The following ATP2B4 variants were observed in gnomAD, a reference collection of about 807,000 sequenced individuals.
The protein encoded by ATP2B4 is ATPase plasma membrane Ca2+ transporting 4, also known as plasma membrane calcium-transporting ATPase 4.
ATP2B4 carries 39 observed loss-of-function variants against 110.3 expected under a neutral mutation model. That is an observed-to-expected ratio of 0.35 (90% confidence interval 0.27 to 0.46). The LOEUF is 0.46. Among genes scored for constraint, ATP2B4 ranks in the 20% least tolerant of loss-of-function variants. The probability of loss-of-function intolerance (pLI) is 1.00; values close to 1 mark genes in which losing one functional copy is unlikely to be tolerated. For missense variants in ATP2B4, 1,135 were observed against 1,530.9 expected (o/e 0.74, Z 4.32); for synonymous variants, 538 against 571.7 (o/e 0.94, Z 0.84).
intron 19 of ATP2B4, among the ~76,000 whole-genome samples, chr1:203,726,199 A>C (rs1244785764): frequency 1.3e-5 from 2 of 151,790 alleles, no homozygotes; most frequent in Admixed American, 1.3e-4. Flanking sequence ...ACGGCACTGC[A>C]CTCCAGCCTG....
chr1:203,711,367 T>A (rs138663586), intron 12 of ATP2B4, among the ~76,000 whole-genome samples: 9 of 152,252 alleles, frequency 5.9e-5, no homozygotes, highest in Non-Finnish European at 7.4e-5. Context: ...GGAGGTCAAT[T>A]TAGCCAGGAC....
intron 5 of ATP2B4, 45 bp downstream of exon 5, chr1:203,700,376 C>T: frequency 6.3e-7 from 1 of 1,583,578 alleles, no homozygotes; most frequent in Admixed American, 1.8e-5. Flanking sequence ...TCCCTGCAAA[C>T]ACCTAGGCCA....
At chr1:203,696,103 T>G (rs1219261777) in intron 2 of ATP2B4, among the ~76,000 whole-genome samples, 8 of 152,114 alleles carry the variant, frequency 5.3e-5, no homozygotes, top group Admixed American at 6.5e-5. Context: ...TTTTTTGTAT[T>G]TTTAGTAGAG....
At chr1:203,697,677 CA>C (rs1200701052) in intron 2 of ATP2B4, among the ~76,000 whole-genome samples, 2 of 152,196 alleles carry the variant, frequency 1.3e-5, no homozygotes, top group Non-Finnish European at 1.5e-5. Context: ...CATACTTGAG[CA>C]AATCAGGAAG....
rs147987607 is a variant in ATP2B4 at position 203,716,746 on chromosome 1, T to G, written c.2406+2469T>G. Among the ~76,000 whole-genome samples the G allele has an allele frequency of 3.4e-5, 5 of 145,586 alleles. 1 individual carries two copies. The East Asian group carries it at 1.0e-3, about 30-fold the overall frequency. On this transcript the variant is annotated intron_variant, in intron 15 of 20. Coordinates refer to ENST00000357681, the MANE Select transcript of ATP2B4 (RefSeq NM_001684.5). ...CCCTCAGTATAGATTTTGTTGATTA[T>G]TTCACTGTGATTTCCTTTAACGTAT...
chr1:203,686,883 C>T (rs553070288), intron 2 of ATP2B4, among the ~76,000 whole-genome samples: 42 of 150,746 alleles, frequency 2.8e-4, no homozygotes, highest in Admixed American at 8.6e-4. Context: ...TTAGTAGAGA[C>T]GGGGTTTCAT....
intron 1 of ATP2B4, among the ~76,000 whole-genome samples, chr1:203,674,049 G>C (rs1464549828): frequency 6.6e-6 from 1 of 152,204 alleles, no homozygotes; most frequent in Non-Finnish European, 1.5e-5. Context: ...TAGTCCAAGA[G>C]AGTGCATATA....
Position 203,683,369 on chromosome 1 carries a change from G to A in ATP2B4, c.164G>A (p.Cys55Tyr), listed in dbSNP as rs1290967848. The A allele has an allele frequency of 1.2e-6, 2 of 1,613,024 alleles. No homozygotes were observed. Among genetic ancestry groups the A allele is most frequent in the Non-Finnish European group, 1.7e-6 (2 of 1,179,382 alleles). ...CACTATGGAGGTGTACAGAATCTCT[G>A]CAGTAGACTGAAAACCTCCCCTGTG... ...NVHYGGVQNL[C>Y]SRLKTSPVEG... The change falls in exon 2 of 21, where the codon TGC (cysteine) becomes TAC (tyrosine). Residue 55 changes from cysteine to tyrosine, a missense_variant. By Grantham distance (194) the Cys-to-Tyr change is radical. Around this residue, in one of 9 missense-constraint regions of ATP2B4, gnomAD observed 122 missense variants for 125.2 expected, o/e 0.97. Coordinates refer to ENST00000357681, the MANE Select transcript of ATP2B4 (RefSeq NM_001684.5).
chr1:203,708,138 G>A (rs1332880091), intron 10 of ATP2B4, 34 bp downstream of exon 10: 1 of 1,609,802 alleles, frequency 6.2e-7, no homozygotes, highest in African/African-American at 1.3e-5. Context: ...ACTTAGAGTG[G>A]GTGGTTGGAA....
intron 20 of ATP2B4, among the ~76,000 whole-genome samples, chr1:203,737,747 A>AGGTGTTGAGCTGAT (rs1232919614): frequency 6.6e-6 from 1 of 152,066 alleles, no homozygotes; most frequent in Non-Finnish European, 1.5e-5. Context: ...TTCTTGGCTG[A>AGGTGTTGAGCTGAT]GGTGTTGAGC....
At chr1:203,637,992 T>C (rs932828251) in intron 1 of ATP2B4, among the ~76,000 whole-genome samples, 4 of 152,262 alleles carry the variant, frequency 2.6e-5, no homozygotes, top group South Asian at 4.1e-4. Flanking sequence ...GCTAATAGGA[T>C]GGCTGGGGGC....
At position 203,722,660 on chromosome 1, in the gene ATP2B4, T is replaced by G. The variant is rs757459823; in HGVS notation, c.2995T>G (p.Ser999Ala). Residue 999 changes from serine to alanine, a missense_variant, in exon 18 of 21, where the codon TCT becomes GCT. Physicochemically the swap from Ser to Ala is moderately conservative, Grantham distance 99. This residue lies in a region of ATP2B4 where 155 missense variants were observed against 186.2 expected (regional missense o/e 0.83). Transcript: ENST00000357681. The part of the protein sequence containing the change: ...SGIYRNIIFC[S>A]VVLGTFICQI... Reference sequence around the variant, plus strand: ...CATCTACCGCAACATTATCTTCTGCTCTGTAGTCTTGGGCACATTCATCTG... The same window carrying G: ...CATCTACCGCAACATTATCTTCTGCGCTGTAGTCTTGGGCACATTCATCTG... 1.9e-6 allele frequency: 3 copies of G among 1,614,172 alleles called. No homozygotes were observed. Among genetic ancestry groups the G allele is most frequent in the Non-Finnish European group, 2.5e-6 (3 of 1,180,010 alleles).
intron 1 of ATP2B4, among the ~76,000 whole-genome samples, chr1:203,641,503 T>C (rs1370466403): frequency 6.6e-6 from 1 of 152,166 alleles, no homozygotes; most frequent in Non-Finnish European, 1.5e-5. Flanking sequence ...AAGATAATGC[T>C]CTGGTTGAAG....
rs1667039432 is a variant in ATP2B4 at position 203,743,871 on chromosome 1, G to A, written c.*4017G>A. On this transcript the variant is annotated 3_prime_UTR_variant, in exon 21 of 21. Transcript: ENST00000357681. ...CATTTTGATATTATTTAAGCTCTATGTACAAGGTTTTGCATGTATTTATAT... is the reference window on the plus strand; with the variant it reads ...CATTTTGATATTATTTAAGCTCTATATACAAGGTTTTGCATGTATTTATAT... 1 of 152,380 alleles carries A rather than the reference G, an allele frequency of 6.6e-6. No homozygotes were observed. Among genetic ancestry groups the A allele is most frequent in the Non-Finnish European group, 1.5e-5 (1 of 68,032 alleles). 9.4% of individuals were successfully genotyped at this position (152,380 alleles called of 1,614,324 possible).
rs75921042 is a variant in ATP2B4 at position 203,742,329 on chromosome 1, G to A, written c.*2475G>A. ...ATACTTAGGGAAGAAAAATTGTTGG[G>A]TTCTAGACTTTTTTAATATAAATTT... On this transcript the variant is annotated 3_prime_UTR_variant, in exon 21 of 21. Coordinates refer to ENST00000357681, the MANE Select transcript of ATP2B4 (RefSeq NM_001684.5). The A allele has an allele frequency of 0.058, 8,806 of 152,652 alleles. 375 individuals are homozygous for A. Among genetic ancestry groups the A allele is most frequent in the Non-Finnish European group, 0.093 (6,322 of 67,996 alleles). The allele number at this position is 152,652 out of a possible 1,614,324, so 9.5% of individuals were successfully genotyped here.
intron 20 of ATP2B4, among the ~76,000 whole-genome samples, chr1:203,737,726 C>T (rs1402010313): frequency 6.6e-6 from 1 of 152,158 alleles, no homozygotes; most frequent in African/African-American, 2.4e-5. Flanking sequence ...TGTGCCTGTG[C>T]TCCCTGATTC....
At chr1:203,711,202 C>G (rs1335223706) in intron 12 of ATP2B4, 94 bp downstream of exon 12, 1 of 1,143,058 alleles carries the variant, frequency 8.7e-7, no homozygotes. Flanking sequence ...AACTGCCTCT[C>G]ACTTAGAGGG....
At chr1:203,702,122 A>T in intron 7 of ATP2B4, 43 bp downstream of exon 7, 2 of 1,609,190 alleles carry the variant, frequency 1.2e-6, no homozygotes, top group Non-Finnish European at 1.7e-6. Context: ...ACCTGCCCAC[A>T]CTCAAACCAG....
intron 2 of ATP2B4, among the ~76,000 whole-genome samples, chr1:203,696,769 CTG>C (rs373194024): frequency 2.0e-5 from 3 of 151,524 alleles, no homozygotes; most frequent in African/African-American, 2.4e-5. Flanking sequence ...GGTGCATGTT[CTG>C]TGTGTGTGTG....
Sources: gnomAD v4.1 joint callset for allele counts (sites outside exome capture counted in the v4.1 genomes callset) on GRCh38, gnomAD v4.1.1 for gene constraint, gnomAD v4.1.1 regional missense constraint, MANE v1.5 for transcripts, NCBI Gene and HGNC (gene_info 2026-07-23, HGNC 2026-07-21) for gene names.